Variants in TAFA2 observed in about 807,000 individuals in gnomAD.
TAFA2 encodes the protein chemokine-like protein TAFA-2.
Under a neutral mutation model 18.8 loss-of-function variants are expected in TAFA2, and 7 were observed. The ratio of observed to expected loss-of-function variants is 0.37; its 90% CI spans 0.21 to 0.70. The LOEUF (loss-of-function observed/expected upper bound fraction) is 0.70, where lower values mean the gene tolerates loss of function less well. Ranked by LOEUF, TAFA2 falls within the 30% of genes least tolerant of loss-of-function variation. TAFA2 has a pLI of 0.53. For synonymous variants in TAFA2, 60 were observed against 54.2 expected (o/e 1.11, Z -0.47); for missense variants, 122 against 158.1 (o/e 0.77, Z 1.23).
At chr12:62,146,905 C>T (rs993469733) in intron 1 of TAFA2, among the ~76,000 whole-genome samples, 1 of 152,002 alleles carries the variant, frequency 6.6e-6, no homozygotes, top group Admixed American at 6.6e-5. Context: ...GAGAGTTACT[C>T]CCTCTTGGTA....
At chr12:62,256,265 T>C (rs2062938316) in intron 1 of TAFA2, among the ~76,000 whole-genome samples, 1 of 150,618 alleles carries the variant, frequency 6.6e-6, no homozygotes, top group South Asian at 2.1e-4. Context: ...TGAGACTCCA[T>C]CTCCAAAAAA....
At chr12:61,940,478 C>T (rs1421368370) in intron 1 of TAFA2, among the ~76,000 whole-genome samples, 1 of 152,182 alleles carries the variant, frequency 6.6e-6, no homozygotes, top group Admixed American at 6.5e-5. Flanking sequence ...ACAGTGAGGG[C>T]TGAAAACTGC....
chr12:61,811,503 T>C (rs1871867443), intron 2 of TAFA2, among the ~76,000 whole-genome samples: 1 of 151,416 alleles, frequency 6.6e-6, no homozygotes, highest in Admixed American at 6.6e-5. Context: ...TCAAAGACTG[T>C]GGGAAATAGA....
At chr12:61,826,846 A>T (rs528335905) in intron 2 of TAFA2, among the ~76,000 whole-genome samples, 2 of 152,026 alleles carry the variant, frequency 1.3e-5, no homozygotes, top group African/African-American at 2.4e-5. Context: ...TATATATGTA[A>T]GAAAATGACA....
At chr12:61,887,904 T>G (rs1229216790) in intron 1 of TAFA2, among the ~76,000 whole-genome samples, 3 of 152,102 alleles carry the variant, frequency 2.0e-5, no homozygotes, top group Non-Finnish European at 2.9e-5. Flanking sequence ...TACGTGTGCA[T>G]GTATCTTTAT....
chr12:61,924,955 G>T (rs76339363), intron 1 of TAFA2, among the ~76,000 whole-genome samples: 1 of 152,098 alleles, frequency 6.6e-6, no homozygotes, highest in African/African-American at 2.4e-5. Flanking sequence ...TGATGAAACA[G>T]ATTTTAAACC....
At chr12:62,169,393 C>T (rs989554499) in intron 1 of TAFA2, among the ~76,000 whole-genome samples, 6 of 152,176 alleles carry the variant, frequency 3.9e-5, no homozygotes, top group Non-Finnish European at 8.8e-5. Context: ...AACTGGCACA[C>T]AACCACTTGT....
chr12:62,190,469 T>A (rs1244746787), intron 1 of TAFA2, among the ~76,000 whole-genome samples: 2 of 152,092 alleles, frequency 1.3e-5, no homozygotes, highest in Middle Eastern at 3.4e-3. Context: ...AAAACCCGGG[T>A]ACTAGTAGCA....
At chr12:62,174,188 C>T (rs532742048) in intron 1 of TAFA2, among the ~76,000 whole-genome samples, 149 of 152,104 alleles carry the variant, frequency 9.8e-4, no homozygotes, top group Non-Finnish European at 1.6e-3. Flanking sequence ...GCTACTCACA[C>T]GCCTGTAGTC....
chr12:62,239,426 A>T (rs1379877220), intron 1 of TAFA2, among the ~76,000 whole-genome samples: 1 of 152,208 alleles, frequency 6.6e-6, no homozygotes, highest in Admixed American at 6.5e-5. Flanking sequence ...TACACAAAAC[A>T]TTATAATACA....
chr12:62,079,556 C>T (rs892965145), intron 1 of TAFA2, among the ~76,000 whole-genome samples: 4 of 151,058 alleles, frequency 2.6e-5, no homozygotes, highest in Admixed American at 6.6e-5. Flanking sequence ...CCCAGCTACT[C>T]GGGAGACGGA....
intron 1 of TAFA2, among the ~76,000 whole-genome samples, chr12:61,881,088 A>T: frequency 6.6e-6 from 1 of 152,132 alleles, no homozygotes; most frequent in South Asian, 2.1e-4. Flanking sequence ...ATGTTAAAAT[A>T]ATTCCTACTA....
In TAFA2 at chr12:61,992,862, T is replaced by A. The variant is rs2136690893; in HGVS notation, c.-1-125436A>T. Among the ~76,000 whole-genome samples the A allele has an allele frequency of 3.3e-5, 5 of 152,342 alleles. 1 individual carries two copies. In the Middle Eastern group the frequency reaches 0.014, roughly 415 times the overall value. The stretch of plus-strand genomic sequence containing the variant: ...AAAATGCCTTGTGATTTCCTATGTT[T>A]GTTGAAAGAATAGACTGAATGATTA... On this transcript the variant is annotated intron_variant, in intron 1 of 4. Transcript: ENST00000416284.
chr12:61,719,573 T>G (rs1869806373), intron 4 of TAFA2, among the ~76,000 whole-genome samples: 1 of 152,106 alleles, frequency 6.6e-6, no homozygotes, highest in African/African-American at 2.4e-5. Context: ...TCAAACTATC[T>G]TTGAAAAACC....
chr12:61,870,824 T>C (rs1874568400), intron 1 of TAFA2, among the ~76,000 whole-genome samples: 1 of 152,126 alleles, frequency 6.6e-6, no homozygotes, highest in Non-Finnish European at 1.5e-5. Context: ...CCCAAGACCG[T>C]GTTGAGTGCC....
intron 1 of TAFA2, among the ~76,000 whole-genome samples, chr12:61,881,318 C>T (rs1875128994): frequency 1.3e-5 from 2 of 152,124 alleles, no homozygotes; most frequent in Admixed American, 6.5e-5. Context: ...AGTGTACTGA[C>T]ACAAACCCAT....
intron 1 of TAFA2, among the ~76,000 whole-genome samples, chr12:61,945,099 T>C (rs1565691222): frequency 7.6e-6 from 1 of 132,342 alleles, no homozygotes; most frequent in Non-Finnish European, 1.6e-5. Flanking sequence ...TCAAAAAGCT[T>C]ATCCACCATG....
chr12:62,044,983 T>G (rs1256719740), intron 1 of TAFA2, among the ~76,000 whole-genome samples: 1 of 152,132 alleles, frequency 6.6e-6, no homozygotes. Context: ...CCTGACATTT[T>G]AAGGCCCTGG....
At chr12:62,052,470 G>T (rs893744297) in intron 1 of TAFA2, among the ~76,000 whole-genome samples, 1 of 152,204 alleles carries the variant, frequency 6.6e-6, no homozygotes, top group South Asian at 2.1e-4. Flanking sequence ...GGAAATACAA[G>T]TGTGAGCCAC....
Sources: gnomAD v4.1 joint callset for allele counts (sites outside exome capture counted in the v4.1 genomes callset) on GRCh38, gnomAD v4.1.1 for gene constraint, MANE v1.5 for transcripts, NCBI Gene and HGNC (gene_info 2026-07-23, HGNC 2026-07-21) for gene names.